PTGIS: variants seen among roughly 807,000 people sequenced by gnomAD.
PTGIS encodes the protein prostacyclin synthase.
PTGIS carries 45 observed loss-of-function variants against 50.3 expected under a neutral mutation model. The observed-to-expected ratio is 0.90, with a 90% CI of 0.70 to 1.15. PTGIS has a LOEUF of 1.15. PTGIS is among the 50% of genes most tolerant of loss of function. The pLI is 0.00. For synonymous variants in PTGIS, 260 were observed against 267.7 expected (o/e 0.97, Z 0.28); for missense variants, 668 against 661.3 (o/e 1.01, Z -0.11).
intron 4 of PTGIS, among the ~76,000 whole-genome samples, chr20:49,543,765 C>T (rs983841830): frequency 7.9e-5 from 12 of 152,172 alleles, no homozygotes; most frequent in South Asian, 2.1e-4. Flanking sequence ...TCTCTGTCAT[C>T]GTGTTTATCA....
At chr20:49,522,570 C>T (rs1300227062) in intron 6 of PTGIS, among the ~76,000 whole-genome samples, 1 of 152,128 alleles carries the variant, frequency 6.6e-6, no homozygotes, top group Non-Finnish European at 1.5e-5. Flanking sequence ...TCAAGCAATC[C>T]TCTTGCCTCA....
In PTGIS at chr20:49,513,179, C is replaced by T; in HGVS notation, c.1107G>A (p.Met369Ile). The change falls in exon 8 of 10, where the codon ATG becomes ATA. Residue 369 changes from methionine to isoleucine, a missense_variant. Coordinates refer to ENST00000244043, the MANE Select transcript of PTGIS (RefSeq NM_000961.4). ...REVVVDLAMPMADGREFNLRR... is the reference protein window; with the variant it reads ...REVVVDLAMPIADGREFNLRR... Reference sequence around the variant, plus strand: ...GCAGGTTGAATTCTCGCCCGTCTGCCATGGGCATGGCCAGGTCCACCACAA... The same window carrying T: ...GCAGGTTGAATTCTCGCCCGTCTGCTATGGGCATGGCCAGGTCCACCACAA... 6.2e-7 allele frequency: 1 copy of T among 1,614,108 alleles called. No homozygotes were observed.
rs748855737 is a variant in PTGIS at position 49,547,950 on chromosome 20, G to T, written c.268C>A (p.Pro90Thr). Residue 90 changes from proline (P) to threonine (T), a missense_variant, in exon 3 of 10, where the codon CCT (proline) becomes ACT (threonine). Coordinates refer to ENST00000244043, the MANE Select transcript of PTGIS (RefSeq NM_000961.4). ...GCATGGAAGTCGAGCCTGGTGCGAG[G>T]CTCCCACACCACCGCGTCGTAGGAG... ...PHSYDAVVWE[P>T]RTRLDFHAYA... 20 of 1,613,976 alleles carry T rather than the reference G, an allele frequency of 1.2e-5. No individual in the cohort carries two copies. In the East Asian group the frequency reaches 4.2e-4, roughly 34 times the overall value.
chr20:49,542,225 G>A (rs1472436615), intron 4 of PTGIS, among the ~76,000 whole-genome samples: 1 of 152,218 alleles, frequency 6.6e-6, no homozygotes, highest in Non-Finnish European at 1.5e-5. Flanking sequence ...GGCCAACACA[G>A]GCCAGGCTGG....
At chr20:49,523,114 G>A (rs1370213867) in intron 6 of PTGIS, among the ~76,000 whole-genome samples, 2 of 152,112 alleles carry the variant, frequency 1.3e-5, no homozygotes, top group African/African-American at 4.8e-5. Flanking sequence ...GGACCAAGAT[G>A]AACCAAAAAG....
intron 5 of PTGIS, among the ~76,000 whole-genome samples, chr20:49,535,394 A>G (rs1982043120): frequency 6.6e-6 from 1 of 152,260 alleles, no homozygotes; most frequent in Non-Finnish European, 1.5e-5. Flanking sequence ...GAACAGATAC[A>G]AGTACAATGA....
At position 49,507,883 on chromosome 20, in the gene PTGIS, G is replaced by C. The variant is rs767598666; in HGVS notation, c.*37C>G. On this transcript the variant is annotated 3_prime_UTR_variant, in exon 10 of 10. Transcript: ENST00000244043. ...GGCTGGGGCAGGCTGGGGCAGGCTG[G>C]GCAGAGGCGAGCACGTGGATCCATC... The C allele has an allele frequency of 3.1e-5, 49 of 1,605,870 alleles. 1 individual carries two copies. The Admixed American group carries it at 6.8e-4, about 22-fold the overall frequency.
In PTGIS at chr20:49,566,129, C is replaced by T. The variant is rs145187717; in HGVS notation, c.74+1914G>A. Reference sequence around the variant, plus strand: ...CCTGTAATCCCAGCTACTGGGGAGGCTGAGGCAGGAGAATCACTTGAACCC... The same window carrying T: ...CCTGTAATCCCAGCTACTGGGGAGGTTGAGGCAGGAGAATCACTTGAACCC... On this transcript the variant is annotated intron_variant, in intron 1 of 9. Coordinates refer to ENST00000244043, the MANE Select transcript of PTGIS (RefSeq NM_000961.4). Among the ~76,000 whole-genome samples the T allele has an allele frequency of 1.5e-3, 227 of 152,266 alleles. 1 individual carries two copies. The East Asian group carries it at 0.022, about 15-fold the overall frequency.
intron 1 of PTGIS, among the ~76,000 whole-genome samples, chr20:49,567,373 G>C (rs1326237697): frequency 6.6e-6 from 1 of 152,158 alleles, no homozygotes; most frequent in Non-Finnish European, 1.5e-5. Context: ...CAGGCTGTGG[G>C]ACCTCAGGGG....
In PTGIS at chr20:49,507,288, G is replaced by A. The variant is rs1393939342; in HGVS notation, c.*632C>T. Reference sequence around the variant, plus strand: ...ACTCCTCAGAGCCCAGTGTTTGGAGGGTGCCCCTGTTCTGCACCGGGAATG... The same window carrying A: ...ACTCCTCAGAGCCCAGTGTTTGGAGAGTGCCCCTGTTCTGCACCGGGAATG... On this transcript the variant is annotated 3_prime_UTR_variant, in exon 10 of 10. Coordinates refer to ENST00000244043, the MANE Select transcript of PTGIS (RefSeq NM_000961.4). The A allele has an allele frequency of 5.9e-6, 1 of 169,200 alleles. No homozygotes were observed. Among genetic ancestry groups the A allele is most frequent in the Non-Finnish European group, 1.3e-5 (1 of 77,558 alleles). The allele number at this position is 169,200 out of a possible 1,614,324, so 10.5% of individuals were successfully genotyped here. A position where few individuals can be genotyped will look rare whatever the true frequency, so the allele number is the denominator to read the frequency against.
chr20:49,523,928 C>T (rs2122854642), intron 6 of PTGIS, 130 bp downstream of exon 6: 1 of 1,161,138 alleles, frequency 8.6e-7, no homozygotes, highest in East Asian at 2.5e-5. Context: ...TGCACACCTA[C>T]ATACACATGC....
chr20:49,524,234 TG>T lies in PTGIS; in HGVS notation c.678del (p.Asp226GlufsTer110). On this transcript the variant is annotated frameshift_variant, in exon 6 of 10. Transcript: ENST00000244043. LOFTEE classifies it high-confidence loss of function. ...CTTTTGACACTGCACATGTGGTCCTTGTCCCCTGCAGGGACAGAGCACAGAG... is the reference window on the plus strand; with the variant it reads ...CTTTTGACACTGCACATGTGGTCCTTTCCCCTGCAGGGACAGAGCACAGAG... The part of the protein sequence containing the change: ...KLARGSLSVG[D>X]KDHMCSVKSR... The T allele has an allele frequency of 6.2e-7, 1 of 1,614,152 alleles. No homozygotes were observed. Among genetic ancestry groups the T allele is most frequent in the East Asian group, 2.2e-5 (1 of 44,888 alleles).
Position 49,503,875 on chromosome 20 carries a change from T to C in PTGIS, c.*4045A>G, listed in dbSNP as rs183950127. The C allele has an allele frequency of 1.1e-4, 17 of 152,376 alleles. No individual in the cohort carries two copies. The highest frequency in any genetic ancestry group is 5.2e-4 in the Admixed American group (8 of 15,306). The allele number at this position is 152,376 out of a possible 1,614,324, so 9.4% of individuals were successfully genotyped here. A position where few individuals can be genotyped will look rare whatever the true frequency, so the allele number is the denominator to read the frequency against. On this transcript the variant is annotated 3_prime_UTR_variant, in exon 10 of 10. Coordinates refer to ENST00000244043, the MANE Select transcript of PTGIS (RefSeq NM_000961.4). Reference sequence around the variant, plus strand: ...CATCAGAATCACACTCAGAGGCAGTTCCACAAACAAAGATGGTTTAATAGA... The same window carrying C: ...CATCAGAATCACACTCAGAGGCAGTCCCACAAACAAAGATGGTTTAATAGA...
At chr20:49,546,013 G>A (rs1357392643) in intron 3 of PTGIS, among the ~76,000 whole-genome samples, 3 of 152,198 alleles carry the variant, frequency 2.0e-5, no homozygotes, top group Admixed American at 6.5e-5. Flanking sequence ...AAAAACGACA[G>A]ACATGGCTCA....
At chr20:49,530,205 C>T (rs1568675231) in intron 5 of PTGIS, among the ~76,000 whole-genome samples, 1 of 150,720 alleles carries the variant, frequency 6.6e-6, no homozygotes. Context: ...ATGTATAAGA[C>T]AAAACAGTAT....
intron 4 of PTGIS, among the ~76,000 whole-genome samples, chr20:49,543,076 TTTAAATTAAATTTAAA>T (rs1677733975): frequency 6.6e-6 from 1 of 152,148 alleles, no homozygotes; most frequent in South Asian, 2.1e-4. Flanking sequence ...AATGTCCTTT[TTTAAATTAAATTTAAA>T]TTAAATTAAA....
chr20:49,550,307 CG>C, intron 1 of PTGIS, 118 bp from the exon 2 acceptor site: 1 of 1,345,150 alleles, frequency 7.4e-7, no homozygotes, highest in Admixed American at 1.8e-5. Flanking sequence ...ATGGAGCACT[CG>C]GGGACTATTG....
Position 49,540,228 on chromosome 20 carries a change from G to A in PTGIS, c.522-507C>T, listed in dbSNP as rs186466876. 5.9e-5 allele frequency among the ~76,000 whole-genome samples: 9 copies of A among 152,256 alleles called. No individual in the cohort carries two copies. In the South Asian group the frequency reaches 6.2e-4, roughly 11 times the overall value. ...GCTGCAGCAGAGAGCTCGAGGGGAC[G>A]GTGCTGAGATGGGGGCACAGAGAAG... On this transcript the variant is annotated intron_variant, in intron 4 of 9. Coordinates refer to ENST00000244043, the MANE Select transcript of PTGIS (RefSeq NM_000961.4). The surrounding 1 kb of genome is among the most constrained non-coding windows in gnomAD (Gnocchi z 4.8).
At chr20:49,530,515 A>G (rs1446535974) in intron 5 of PTGIS, among the ~76,000 whole-genome samples, 3 of 152,156 alleles carry the variant, frequency 2.0e-5, no homozygotes, top group Non-Finnish European at 4.4e-5. Flanking sequence ...GTTCTCCATG[A>G]TGGCTATACC....
Sources: gnomAD v4.1 joint callset for allele counts (sites outside exome capture counted in the v4.1 genomes callset) on GRCh38, gnomAD v4.1.1 for gene constraint, Gnocchi (gnomAD v3.1) non-coding constraint, MANE v1.5 for transcripts, NCBI Gene and HGNC (gene_info 2026-07-23, HGNC 2026-07-21) for gene names.